The following CACNG8 variants were observed in gnomAD, a reference collection of about 807,000 sequenced individuals.
CACNG8 encodes voltage-dependent calcium channel gamma-8 subunit.
CACNG8 carries 5 observed loss-of-function variants against 26.9 expected under a neutral mutation model. That is an observed-to-expected ratio of 0.19 (90% CI 0.10 to 0.39). The LOEUF (loss-of-function observed/expected upper bound fraction) is 0.39. Among genes scored for constraint, CACNG8 ranks in the 10% least tolerant of loss-of-function variants. The pLI, the probability that CACNG8 is intolerant of heterozygous loss-of-function variation, is 1.00. For synonymous variants in CACNG8, 321 were observed against 296.7 expected, an observed-to-expected ratio of 1.08 and a Z score of -0.84; for missense variants, 473 against 609.4, an observed-to-expected ratio of 0.78 and a Z score of 2.36.
chr19:53,979,726 A>G (rs566919385), intron 2 of CACNG8, 141 bp from the exon 3 acceptor site: 1 of 835,118 alleles, frequency 1.2e-6, no homozygotes, highest in African/African-American at 1.8e-5. Context: ...CAACAGTAAA[A>G]TAAACCAGAA....
intron 1 of CACNG8, among the ~76,000 whole-genome samples, chr19:53,963,702 C>T (rs776687022): frequency 1.3e-5 from 2 of 152,020 alleles, no homozygotes; most frequent in Non-Finnish European, 2.9e-5. Flanking sequence ...TTCCCTAGTC[C>T]GTGTCTCCTG....
At chr19:53,980,149 CCCCCGGGGG>C in intron 3 of CACNG8, 142 bp downstream of exon 3, 1 of 880,644 alleles carries the variant, frequency 1.1e-6, no homozygotes, top group Non-Finnish European at 1.6e-6. Context: ...GCCCCGAGCA[CCCCCGGGGG>C]CCCGGAGCCT....
intron 1 of CACNG8, among the ~76,000 whole-genome samples, chr19:53,967,312 A>T (rs1474814200): frequency 6.6e-6 from 1 of 152,200 alleles, no homozygotes; most frequent in Non-Finnish European, 1.5e-5. Context: ...CAAATTTATT[A>T]TGAAGGAGAG....
In CACNG8 at chr19:53,988,271, A is replaced by AGTGTGTGTGTGTGTGTGT. The variant is rs57220250; in HGVS notation, c.*5439_*5456dup. ...GACAGAAGGAAAGGGAATTCAGGCA[A>AGTGTGTGTGTGTGTGTGT]GTGTGTGTGTGTGTGTGTGTGTGTG... On this transcript the variant is annotated 3_prime_UTR_variant, in exon 4 of 4. Transcript: ENST00000270458. 6.9e-6 allele frequency: 1 copy of AGTGTGTGTGTGTGTGTGT among 144,250 alleles called. No individual in the cohort carries two copies. The highest frequency in any genetic ancestry group is 2.6e-5 in the African/African-American group (1 of 37,874). The allele number at this position is 144,250 out of a possible 1,614,324, so 8.9% of individuals were successfully genotyped here.
Position 53,980,009 on chromosome 19 carries a change from T to C in CACNG8, c.508+2T>C. The stretch of plus-strand genomic sequence containing the variant: ...CAGGGATCCTGTTCGTGGCAGCAGG[T>C]GAGAGGCAGAGGGAGGGGGCGACCG... On this transcript the variant is annotated splice_donor_variant, in intron 3 of 3. Transcript: ENST00000270458. LOFTEE classifies it high-confidence loss of function. 1 of 1,605,484 alleles carries C rather than the reference T, an allele frequency of 6.2e-7. No individual in the cohort carries two copies. Among genetic ancestry groups the C allele is most frequent in the Non-Finnish European group, 8.5e-7 (1 of 1,176,314 alleles).
chr19:53,985,892 C>T lies in CACNG8; in HGVS notation c.*3043C>T, dbSNP rs2145944787. ...TATTTGCTGGAAGAGGGAGAGGGAA[C>T]TGGTTAGGGGAGAATGGATTCTAGA... On this transcript the variant is annotated 3_prime_UTR_variant, in exon 4 of 4. Coordinates refer to ENST00000270458, the MANE Select transcript of CACNG8 (RefSeq NM_031895.6). 6.7e-6 allele frequency: 1 copy of T among 148,354 alleles called. No homozygotes were observed. Among genetic ancestry groups the T allele is most frequent in the South Asian group, 2.1e-4 (1 of 4,690 alleles). 9.2% of individuals were successfully genotyped at this position (148,354 alleles called of 1,614,324 possible).
In CACNG8 at chr19:53,979,951, T is replaced by C. The variant is rs759842560; in HGVS notation, c.452T>C (p.Val151Ala). The change falls in exon 3 of 4, where the codon GTC becomes GCC. Residue 151 changes from valine (V) to alanine (A), a missense_variant. Around this residue, in one of 6 missense-constraint regions of CACNG8, gnomAD observed 155 missense variants for 253.0 expected, o/e 0.61. Coordinates refer to ENST00000270458, the MANE Select transcript of CACNG8 (RefSeq NM_031895.6). Reference sequence around the variant, plus strand: ...GGTGTGTGCGTGGCGGCCTCCCGCGTCTACAAGTCCAAGAGGAACATCATT... The same window carrying C: ...GGTGTGTGCGTGGCGGCCTCCCGCGCCTACAAGTCCAAGAGGAACATCATT... 1.2e-6 allele frequency: 2 copies of C among 1,612,874 alleles called. No homozygotes were observed. The highest frequency in any genetic ancestry group is 1.7e-6 in the Non-Finnish European group (2 of 1,179,518).
Position 53,982,638 on chromosome 19 carries a change from A to C in CACNG8, c.1067A>C (p.Glu356Ala). Residue 356 changes from glutamate to alanine, a missense_variant, in exon 4 of 4, where the codon GAG (glutamate) becomes GCG (alanine). Glu to Ala is a moderately radical substitution (Grantham distance 107). Around this residue, in one of 6 missense-constraint regions of CACNG8, gnomAD observed 212 missense variants for 214.4 expected, o/e 0.99. Coordinates refer to ENST00000270458, the MANE Select transcript of CACNG8 (RefSeq NM_031895.6). This position sits in a 1 kb window ranked among gnomAD's most constrained non-coding sequence, Gnocchi z 8.4. ...GGAGGCGGCGGCGGGGCGGGTGCCG[A>C]GCGGGACCGCGGGGGGGCGTCCGGC... 1 of 1,021,688 alleles carries C rather than the reference A, an allele frequency of 9.8e-7. No individual in the cohort carries two copies. The allele number at this position is 1,021,688 out of a possible 1,614,324, so 63.3% of individuals were successfully genotyped here.
intron 1 of CACNG8, among the ~76,000 whole-genome samples, chr19:53,968,321 G>GA (rs752511405): frequency 1.3e-4 from 20 of 151,006 alleles, no homozygotes; most frequent in Non-Finnish European, 2.7e-4. Flanking sequence ...GCTAAAGTGA[G>GA]ACATGATCAT....
intron 2 of CACNG8, among the ~76,000 whole-genome samples, chr19:53,979,025 G>C (rs1340434225): frequency 7.2e-6 from 1 of 137,968 alleles, no homozygotes; most frequent in Non-Finnish European, 1.6e-5. Context: ...GGTGGGGAAA[G>C]ACCTAGGAAG....
chr19:53,979,098 G>C (rs1600034486), intron 2 of CACNG8, among the ~76,000 whole-genome samples: 3 of 145,602 alleles, frequency 2.1e-5, no homozygotes, highest in East Asian at 2.1e-4. Context: ...GGTGAAGCCA[G>C]ACAGAAAAAG....
chr19:53,979,816 C>T lies in CACNG8; in HGVS notation c.368-51C>T, dbSNP rs772117725. 2.6e-6 allele frequency: 4 copies of T among 1,521,804 alleles called. No individual in the cohort carries two copies. In the South Asian group the frequency reaches 5.1e-5, roughly 19 times the overall value. The allele number at this position is 1,521,804 out of a possible 1,614,324, so 94.3% of individuals were successfully genotyped here. A position where few individuals can be genotyped will look rare whatever the true frequency, so the allele number is the denominator to read the frequency against. On this transcript the variant is annotated intron_variant, in intron 2 of 3. Transcript: ENST00000270458. ...GCCGGGAAGGGGGCGCAGGCGGCCG[C>T]GTCTGACCGCCCTCGCTCTCCCTCC...
At chr19:53,969,095 C>T (rs1454616792) in intron 1 of CACNG8, among the ~76,000 whole-genome samples, 1 of 152,056 alleles carries the variant, frequency 6.6e-6, no homozygotes, top group Non-Finnish European at 1.5e-5. Context: ...CCTCCACATC[C>T]CGGGTTCAAG....
At position 53,979,994 on chromosome 19, in the gene CACNG8, G is replaced by C; in HGVS notation, c.495G>C (p.Leu165=). 2 of 1,609,826 alleles carry C rather than the reference G, an allele frequency of 1.2e-6. No homozygotes were observed. Among genetic ancestry groups the C allele is most frequent in the Non-Finnish European group, 1.7e-6 (2 of 1,178,224 alleles). The change falls in exon 3 of 4, where the codon CTG becomes CTC. Residue 165 remains leucine (L), a synonymous_variant. Transcript: ENST00000270458. ...ACATCATTCTGGGCGCAGGGATCCT[G>C]TTCGTGGCAGCAGGTGAGAGGCAGA...
In CACNG8 at chr19:53,982,775, G is replaced by T. The variant is rs1260183461; in HGVS notation, c.1204G>T (p.Ala402Ser). 3.1e-6 allele frequency: 4 copies of T among 1,281,146 alleles called. No individual in the cohort carries two copies. Among genetic ancestry groups the T allele is most frequent in the African/African-American group, 1.6e-5 (1 of 63,460 alleles). 79.4% of individuals were successfully genotyped at this position (1,281,146 alleles called of 1,614,324 possible). Residue 402 changes from alanine to serine, a missense_variant, in exon 4 of 4, where the codon GCC becomes TCC. Coordinates refer to ENST00000270458, the MANE Select transcript of CACNG8 (RefSeq NM_031895.6). The surrounding 1 kb of genome is among the most constrained non-coding windows in gnomAD (Gnocchi z 8.4). ...CGCGCCACCCGCGCCCTCTGCGCCC[G>T]CCCCCGGGACCCTGGCCAAGGAGGC...
intron 1 of CACNG8, among the ~76,000 whole-genome samples, chr19:53,971,700 G>A (rs1199604353): frequency 1.3e-5 from 2 of 152,194 alleles, no homozygotes; most frequent in Admixed American, 1.3e-4. Flanking sequence ...ATCTCATTAA[G>A]CCCTCGCCAC....
intron 1 of CACNG8, among the ~76,000 whole-genome samples, chr19:53,969,640 G>T (rs1283029009): frequency 6.6e-6 from 1 of 152,046 alleles, no homozygotes; most frequent in Non-Finnish European, 1.5e-5. Flanking sequence ...AGCCCATCGG[G>T]GCTCCAGGGG....
At chr19:53,974,170 T>C (rs1415035998) in intron 1 of CACNG8, among the ~76,000 whole-genome samples, 3 of 152,194 alleles carry the variant, frequency 2.0e-5, no homozygotes, top group African/African-American at 7.2e-5. Context: ...ATGAATTTGA[T>C]TATTCCAGGA....
intron 1 of CACNG8, 81 bp downstream of exon 1, chr19:53,963,506 G>C: frequency 7.4e-7 from 1 of 1,357,418 alleles, no homozygotes; most frequent in South Asian, 1.6e-5. Context: ...GCCTGTCCCT[G>C]ATCCTGGGGC....
Sources: allele counts gnomAD v4.1 joint callset (sites outside exome capture counted in the v4.1 genomes callset), GRCh38; gene constraint gnomAD v4.1.1; regional missense constraint gnomAD v4.1.1; non-coding constraint Gnocchi (gnomAD v3.1); transcripts MANE v1.5; gene names NCBI Gene and HGNC (gene_info 2026-07-23, HGNC 2026-07-21).